Variants in TAF1B observed in about 807,000 individuals in gnomAD.
The protein encoded by TAF1B is TATA box-binding protein-associated factor RNA polymerase I subunit B.
A neutral mutation model predicts 83.9 loss-of-function variants in TAF1B; 61 were observed. The observed-to-expected ratio is 0.73, with a 90% confidence interval of 0.59 to 0.90. TAF1B has a LOEUF of 0.90. Ranked by LOEUF, TAF1B falls within the 40% of genes least tolerant of loss-of-function variation. The pLI is 0.00. For missense variants in TAF1B, 625 were observed against 677.0 expected (o/e 0.92, Z 0.85); for synonymous variants, 221 against 224.6 (o/e 0.98, Z 0.14).
At chr2:9,852,491 A>G (rs1163224144) in intron 4 of TAF1B, among the ~76,000 whole-genome samples, 2 of 144,940 alleles carry the variant, frequency 1.4e-5, no homozygotes, top group African/African-American at 4.9e-5. Context: ...GTGATATGCT[A>G]AGTGATTTTT....
chr2:9,882,172 C>T (rs1402602644), intron 7 of TAF1B, among the ~76,000 whole-genome samples: 3 of 151,822 alleles, frequency 2.0e-5, no homozygotes. Context: ...GTGGCGTTAG[C>T]TCACTGCAAC....
chr2:9,856,494 C>T (rs16867203), intron 5 of TAF1B, among the ~76,000 whole-genome samples: 21,934 of 152,050 alleles, frequency 0.14, 1,760 homozygotes, highest in East Asian at 0.27. Context: ...CCAAGAAAAT[C>T]GGAAGATGCT....
At chr2:9,880,072 A>G (rs1664451168) in intron 7 of TAF1B, among the ~76,000 whole-genome samples, 1 of 152,182 alleles carries the variant, frequency 6.6e-6, no homozygotes, top group Non-Finnish European at 1.5e-5. Context: ...GCTATCCTCC[A>G]GGCAAGAGAT....
Position 9,934,169 on chromosome 2 carries a change from AT to A in TAF1B, c.*189del. 1.9e-6 allele frequency: 1 copy of A among 521,942 alleles called. No homozygotes were observed. Among genetic ancestry groups the A allele is most frequent in the Non-Finnish European group, 3.3e-6 (1 of 299,122 alleles). The allele number at this position is 521,942 out of a possible 1,614,324, so 32.3% of individuals were successfully genotyped here. A position where few individuals can be genotyped will look rare whatever the true frequency, so the allele number is the denominator to read the frequency against. On this transcript the variant is annotated 3_prime_UTR_variant, in exon 15 of 15. Coordinates refer to ENST00000263663, the MANE Select transcript of TAF1B (RefSeq NM_005680.3). ...TTGTAAAGCAGGTGAGCTTCATTTG[AT>A]TTTATTTTTCAGAGTATGAACATTC...
chr2:9,930,006 G>C (rs1666163887), intron 14 of TAF1B, among the ~76,000 whole-genome samples: 2 of 152,168 alleles, frequency 1.3e-5, no homozygotes, highest in South Asian at 4.1e-4. Context: ...ATGGTAGTTT[G>C]TATTTCTGTG....
intron 5 of TAF1B, among the ~76,000 whole-genome samples, chr2:9,864,708 G>A (rs1412445095): frequency 6.6e-6 from 1 of 152,064 alleles, no homozygotes; most frequent in Non-Finnish European, 1.5e-5. Context: ...CTGGCAAACC[G>A]AATCCAGCAG....
chr2:9,912,012 C>G (rs907632724), intron 11 of TAF1B, among the ~76,000 whole-genome samples: 7 of 152,244 alleles, frequency 4.6e-5, no homozygotes, highest in Non-Finnish European at 8.8e-5. Context: ...CACCTATCCA[C>G]TTCACAATGC....
intron 6 of TAF1B, 73 bp from the exon 7 acceptor site, chr2:9,875,792 G>C: frequency 2.0e-6 from 3 of 1,464,106 alleles, no homozygotes; most frequent in Non-Finnish European, 2.8e-6. Flanking sequence ...TGCCTGTTTA[G>C]ATTTTTTGCT....
At chr2:9,926,100 T>G (rs1666025116) in intron 14 of TAF1B, among the ~76,000 whole-genome samples, 2 of 152,102 alleles carry the variant, frequency 1.3e-5, no homozygotes, top group Admixed American at 1.3e-4. Flanking sequence ...CAAGACTTGC[T>G]TCACCCAGGC....
intron 8 of TAF1B, among the ~76,000 whole-genome samples, chr2:9,897,580 G>A (rs925984795): frequency 2.6e-5 from 4 of 152,140 alleles, no homozygotes; most frequent in African/African-American, 9.7e-5. Context: ...CCACTGCGTG[G>A]CACTTAGCCA....
At chr2:9,862,232 A>G (rs1010927611) in intron 5 of TAF1B, among the ~76,000 whole-genome samples, 1 of 152,198 alleles carries the variant, frequency 6.6e-6, no homozygotes, top group Non-Finnish European at 1.5e-5. Context: ...AGAATAACCA[A>G]TGCAGAGAAG....
At chr2:9,904,307 G>A (rs192361968) in intron 8 of TAF1B, among the ~76,000 whole-genome samples, 1 of 152,200 alleles carries the variant, frequency 6.6e-6, no homozygotes, top group East Asian at 1.9e-4. Context: ...CCTTCTTTGT[G>A]TGCCTGTGTA....
chr2:9,859,260 G>A (rs184868617), intron 5 of TAF1B, among the ~76,000 whole-genome samples: 29 of 152,276 alleles, frequency 1.9e-4, no homozygotes, highest in African/African-American at 6.3e-4. Context: ...TAGGGCAGGG[G>A]CAAAATGCCA....
intron 7 of TAF1B, among the ~76,000 whole-genome samples, chr2:9,881,722 C>T (rs1313234459): frequency 6.6e-6 from 1 of 152,166 alleles, no homozygotes; most frequent in Non-Finnish European, 1.5e-5. Flanking sequence ...GTATTCAATA[C>T]ATTGTTGTTA....
At position 9,934,023 on chromosome 2, in the gene TAF1B, A is replaced by C; in HGVS notation, c.*39A>C. 1.4e-6 allele frequency: 2 copies of C among 1,452,562 alleles called. No homozygotes were observed. Among genetic ancestry groups the C allele is most frequent in the Non-Finnish European group, 1.9e-6 (2 of 1,068,032 alleles). The allele number at this position is 1,452,562 out of a possible 1,614,324, so 90.0% of individuals were successfully genotyped here. A position where few individuals can be genotyped will look rare whatever the true frequency, so the allele number is the denominator to read the frequency against. ...AAACTTTCTGGAAAAATATTTTAAT[A>C]GTGATAATAACATCAGATTTTAATA... On this transcript the variant is annotated 3_prime_UTR_variant, in exon 15 of 15. Transcript: ENST00000263663.
chr2:9,864,890 C>T (rs899394173), intron 5 of TAF1B, among the ~76,000 whole-genome samples: 9 of 152,162 alleles, frequency 5.9e-5, no homozygotes, highest in East Asian at 1.9e-4. Flanking sequence ...AATTCAACAA[C>T]GCTTCATGTT....
At chr2:9,865,214 C>T (rs1009628227) in intron 5 of TAF1B, among the ~76,000 whole-genome samples, 26 of 152,142 alleles carry the variant, frequency 1.7e-4, no homozygotes, top group African/African-American at 6.3e-4. Flanking sequence ...CCAAAATCTC[C>T]TTAAGCTGAT....
intron 8 of TAF1B, among the ~76,000 whole-genome samples, chr2:9,892,925 C>A (rs1389454781): frequency 6.6e-6 from 1 of 152,112 alleles, no homozygotes; most frequent in Non-Finnish European, 1.5e-5. Flanking sequence ...CCAACACTTA[C>A]CTTTCATCTT....
chr2:9,933,654 A>G, intron 14 of TAF1B, 129 bp from the exon 15 acceptor site: 1 of 718,868 alleles, frequency 1.4e-6, no homozygotes, highest in Non-Finnish European at 2.3e-6. Context: ...GTTTCCTTCC[A>G]GCTCAGGGTC....
Sources: gnomAD v4.1 joint callset for allele counts (sites outside exome capture counted in the v4.1 genomes callset) on GRCh38, gnomAD v4.1.1 for gene constraint, MANE v1.5 for transcripts, NCBI Gene and HGNC (gene_info 2026-07-23, HGNC 2026-07-21) for gene names.